Variants in ATP13A2 observed in about 807,000 individuals in gnomAD.
ATP13A2 encodes the protein polyamine-transporting ATPase 13A2.
A neutral mutation model predicts 138.3 loss-of-function variants in ATP13A2; 83 were observed. That is an observed-to-expected ratio of 0.60 (90% CI 0.50 to 0.72). ATP13A2 has a LOEUF of 0.72. Among genes scored for constraint, ATP13A2 ranks in the 30% least tolerant of loss-of-function variants. The pLI is 0.00. For synonymous variants in ATP13A2, 663 were observed against 699.0 expected, an observed-to-expected ratio of 0.95 and a Z score of 0.81; for missense variants, 1,402 against 1,606.4, an observed-to-expected ratio of 0.87 and a Z score of 2.17.
chr1:17,000,354 C>T, intron 9 of ATP13A2, 42 bp from the exon 10 acceptor site: 1 of 1,589,966 alleles, frequency 6.3e-7, no homozygotes, highest in Non-Finnish European at 8.6e-7. Flanking sequence ...GGTGGGGGCC[C>T]CTGGGGACCC....
intron 1 of ATP13A2, among the ~76,000 whole-genome samples, chr1:17,008,490 G>T (rs531005544): frequency 1.3e-5 from 2 of 152,274 alleles, no homozygotes; most frequent in East Asian, 1.9e-4. Context: ...GAAGTTCCTG[G>T]GGGGGTTGCG....
At chr1:16,988,515 C>T (rs2076815583) in intron 23 of ATP13A2, 41 bp from the exon 24 acceptor site, 1 of 1,612,708 alleles carries the variant, frequency 6.2e-7, no homozygotes, top group African/African-American at 1.3e-5. Flanking sequence ...GGGAATTACC[C>T]CACCACCCCA....
At chr1:17,009,177 C>G (rs1225115155) in intron 1 of ATP13A2, among the ~76,000 whole-genome samples, 1 of 152,156 alleles carries the variant, frequency 6.6e-6, no homozygotes, top group Non-Finnish European at 1.5e-5. Context: ...CAGGTCCTCT[C>G]TGCCCAGCAC....
Position 16,986,554 on chromosome 1 carries a change from G to A in ATP13A2, c.3314C>T (p.Pro1105Leu), listed in dbSNP as rs201756175. Residue 1105 changes from proline to leucine, a missense_variant, in exon 28 of 29, where the codon CCG (proline) becomes CTG (leucine). Pro to Leu is a moderately conservative substitution (Grantham distance 98, BLOSUM62 -3). Transcript: ENST00000326735. This position sits in a 1 kb window ranked among gnomAD's most constrained non-coding sequence, Gnocchi z 6.9. ...LVLVPGLLQGPLALRNITDTG... is the reference protein window; with the variant it reads ...LVLVPGLLQGLLALRNITDTG... ...GTCAGTGATGTTCCTCAGCGCCAGC[G>A]GCCCCTGCAGGAGGCCGGGGACCAG... 485 of 1,612,386 alleles carry A rather than the reference G, an allele frequency of 3.0e-4. 2 individuals carry two copies. Among genetic ancestry groups the A allele is most frequent in the Non-Finnish European group, 1.1e-4 (134 of 1,179,834 alleles).
intron 8 of ATP13A2, among the ~76,000 whole-genome samples, chr1:17,001,157 C>T (rs918894097): frequency 1.3e-5 from 2 of 151,770 alleles, no homozygotes; most frequent in African/African-American, 4.8e-5. Flanking sequence ...GTGGCTCATG[C>T]CTATAATCCC....
rs549197763 is a variant in ATP13A2 at position 17,009,569 on chromosome 1, T to G, written c.10+2160A>C. Among the ~76,000 whole-genome samples the G allele has an allele frequency of 1.1e-3, 170 of 151,948 alleles. 1 individual carries two copies. The highest frequency in any genetic ancestry group is 3.9e-3 in the African/African-American group (162 of 41,442). On this transcript the variant is annotated intron_variant, in intron 1 of 28. Coordinates refer to ENST00000326735, the MANE Select transcript of ATP13A2 (RefSeq NM_022089.4). ...GGTGCCACTGCACCAGGCTAATTTT[T>G]TTTTAGTAGGGACAGGGTCTCATTT... is the stretch of plus-strand genomic sequence containing the variant.
In ATP13A2 at chr1:17,004,986, C is replaced by T; in HGVS notation, c.347+28G>A. On this transcript the variant is annotated intron_variant, in intron 4 of 28. Coordinates refer to ENST00000326735, the MANE Select transcript of ATP13A2 (RefSeq NM_022089.4). The surrounding 1 kb of genome is among the most constrained non-coding windows in gnomAD (Gnocchi z 4.1). Reference sequence around the variant, plus strand: ...GGGGAGGCCAGGGTAGCAGGGGCTTCTGGGAAGGGGCAATGGGGCTGCCTC... The same window carrying T: ...GGGGAGGCCAGGGTAGCAGGGGCTTTTGGGAAGGGGCAATGGGGCTGCCTC... The T allele has an allele frequency of 6.2e-7, 1 of 1,613,410 alleles. No individual in the cohort carries two copies. Among genetic ancestry groups the T allele is most frequent in the Non-Finnish European group, 8.5e-7 (1 of 1,179,962 alleles).
At chr1:17,006,194 C>T (rs759787516) in intron 1 of ATP13A2, among the ~76,000 whole-genome samples, 13 of 152,182 alleles carry the variant, frequency 8.5e-5, no homozygotes, top group South Asian at 2.1e-4. Flanking sequence ...GAGCCCAAAG[C>T]TCATGTCTTC....
In ATP13A2 at chr1:17,004,210, G is replaced by A. The variant is rs2101089320; in HGVS notation, c.557+122C>T. 1 of 1,051,672 alleles carries A rather than the reference G, an allele frequency of 9.5e-7. No homozygotes were observed. The highest frequency in any genetic ancestry group is 2.6e-5 in the East Asian group (1 of 38,364). The allele number at this position is 1,051,672 out of a possible 1,614,324, so 65.1% of individuals were successfully genotyped here. On this transcript the variant is annotated intron_variant, in intron 6 of 28. Coordinates refer to ENST00000326735, the MANE Select transcript of ATP13A2 (RefSeq NM_022089.4). The surrounding 1 kb of genome is among the most constrained non-coding windows in gnomAD (Gnocchi z 4.1). ...TGGAGGGGCTCAGTAACCTGCCCAAGGTTTCAGACAGCAAAAGCATCAGAG... is the reference window on the plus strand; with the variant it reads ...TGGAGGGGCTCAGTAACCTGCCCAAAGTTTCAGACAGCAAAAGCATCAGAG...
intron 6 of ATP13A2, among the ~76,000 whole-genome samples, chr1:17,003,585 C>CCACACACA (rs540533484): frequency 0.074 from 9,871 of 132,932 alleles, 425 homozygotes; most frequent in South Asian, 0.097. Flanking sequence ...ACCAAAAAAA[C>CCACACACA]CACACACACA....
intron 23 of ATP13A2, 108 bp from the exon 24 acceptor site, chr1:16,988,582 G>A (rs2076816620): frequency 7.6e-7 from 1 of 1,309,676 alleles, no homozygotes; most frequent in East Asian, 2.3e-5. Context: ...ATGGTGCCTG[G>A]TGTACAGGAG....
chr1:17,000,219 C>A, intron 10 of ATP13A2, 27 bp downstream of exon 10: 1 of 1,554,430 alleles, frequency 6.4e-7, no homozygotes, highest in Non-Finnish European at 8.7e-7. Context: ...CACTCCTGCC[C>A]CCGCCCCCTG....
intron 25 of ATP13A2, 69 bp from the exon 26 acceptor site, chr1:16,987,338 G>GGGGTGGGGCCTCTGCTATC: frequency 6.9e-7 from 1 of 1,448,638 alleles, no homozygotes; most frequent in Non-Finnish European, 9.6e-7. Flanking sequence ...TCTGATAGCA[G>GGGGTGGGGCCTCTGCTATC]AGGCCCCACC....
Position 16,996,129 on chromosome 1 carries a change from G to A in ATP13A2, c.1389C>T (p.Asp463=). ...CAGGTGGCACCACCACGGTCACCAG[G>A]TCGAGAGCCCGGATTACAATCTCAT... is the stretch of plus-strand genomic sequence containing the variant. ...PLNEIVIRAL[D]LVTVVVPPAL... Residue 463 remains aspartate (D), a synonymous_variant, in exon 15 of 29, where the codon GAC becomes GAT. Coordinates refer to ENST00000326735, the MANE Select transcript of ATP13A2 (RefSeq NM_022089.4). 1 of 1,614,126 alleles carries A rather than the reference G, an allele frequency of 6.2e-7. No homozygotes were observed. Among genetic ancestry groups the A allele is most frequent in the South Asian group, 1.1e-5 (1 of 91,084 alleles).
rs888289246 is a variant in ATP13A2, at chr1:17,000,258, G to A, written c.895C>T (p.Arg299Trp). The part of the protein sequence containing the change: ...VKLSMRVCVC[R>W]PGGEEEWVDS... ...CCTAGCTCCTCACCTCCCCCTGGCCGGCACACGCACACCCGCATGGACAAC... is the reference window on the plus strand; with the variant it reads ...CCTAGCTCCTCACCTCCCCCTGGCCAGCACACGCACACCCGCATGGACAAC... The change falls in exon 10 of 29, where the codon CGG becomes TGG. Residue 299 changes from arginine (R) to tryptophan (W), a missense_variant. By Grantham distance (101) the Arg-to-Trp change is moderately radical (BLOSUM62 -3). Transcript: ENST00000326735. 2.0e-6 allele frequency: 3 copies of A among 1,484,294 alleles called. No individual in the cohort carries two copies. Among genetic ancestry groups the A allele is most frequent in the East Asian group, 2.8e-5 (1 of 35,906 alleles). The allele number at this position is 1,484,294 out of a possible 1,614,324, so 91.9% of individuals were successfully genotyped here. A position where few individuals can be genotyped will look rare whatever the true frequency, so the allele number is the denominator to read the frequency against.
At chr1:17,006,878 G>A (rs2077579807) in intron 1 of ATP13A2, among the ~76,000 whole-genome samples, 1 of 152,082 alleles carries the variant, frequency 6.6e-6, no homozygotes, top group South Asian at 2.1e-4. Context: ...ATGGTATCAG[G>A]TGGTTCTATT....
At chr1:17,005,623 T>C (rs1455071002) in intron 2 of ATP13A2, 61 bp downstream of exon 2, 1 of 1,613,152 alleles carries the variant, frequency 6.2e-7, no homozygotes, top group Non-Finnish European at 8.5e-7. Flanking sequence ...AGTTGGGGTG[T>C]CTGGGTGGGC....
At chr1:16,989,596 A>C in intron 23 of ATP13A2, 95 bp downstream of exon 23, 2 of 1,246,054 alleles carry the variant, frequency 1.6e-6, no homozygotes, top group South Asian at 2.5e-5. Context: ...GTGCCTGAGG[A>C]GGGAGACAGG....
At position 16,992,393 on chromosome 1, in the gene ATP13A2, G is replaced by C; in HGVS notation, c.1855C>G (p.Pro619Ala). 1.2e-6 allele frequency: 2 copies of C among 1,613,756 alleles called. No homozygotes were observed. The highest frequency in any genetic ancestry group is 1.7e-6 in the Non-Finnish European group (2 of 1,179,934). ...CGGTGGAGGACGCTGACTGGCACCG[G>C]GGGCTCCTCCTGCAGGGTTGGAGAG... is the stretch of plus-strand genomic sequence containing the variant. Reference protein sequence around the residue: ...EPQLQAMEEPPVPVSVLHRFP... With the variant: ...EPQLQAMEEPAVPVSVLHRFP... Residue 619 changes from proline (P) to alanine (A), a missense_variant, in exon 18 of 29, where the codon CCG (proline) becomes GCG (alanine). Physicochemically the swap from Pro to Ala is conservative, Grantham distance 27. Coordinates refer to ENST00000326735, the MANE Select transcript of ATP13A2 (RefSeq NM_022089.4).
Sources: gnomAD v4.1 joint callset for allele counts (sites outside exome capture counted in the v4.1 genomes callset) on GRCh38, gnomAD v4.1.1 for gene constraint, Gnocchi (gnomAD v3.1) non-coding constraint, MANE v1.5 for transcripts, NCBI Gene and HGNC (gene_info 2026-07-23, HGNC 2026-07-21) for gene names.